PTPRR: variants seen among roughly 807,000 people sequenced by gnomAD.
PTPRR encodes receptor-type tyrosine-protein phosphatase R.
In PTPRR, 38 loss-of-function variants were observed where a neutral mutation model predicts 77.2. The observed-to-expected ratio is 0.49, with a 90% CI of 0.38 to 0.65. The LOEUF (loss-of-function observed/expected upper bound fraction) is 0.65. PTPRR is among the 30% of genes least tolerant of loss of function. PTPRR has a pLI of 0.00. For synonymous variants in PTPRR, 299 were observed against 283.1 expected (o/e 1.06, Z -0.57); for missense variants, 744 against 799.2 (o/e 0.93, Z 0.83).
chr12:70,726,581 A>AT lies in PTPRR; in HGVS notation c.1007+19236dup, dbSNP rs148966922. 4.3e-3 allele frequency among the ~76,000 whole-genome samples: 602 copies of AT among 139,700 alleles called. 2 individuals carry two copies. The highest frequency in any genetic ancestry group is 0.014 in the African/African-American group (527 of 38,104). 91.6% of individuals were successfully genotyped at this position (139,700 alleles called of 152,430 possible). A position where few individuals can be genotyped will look rare whatever the true frequency, so the allele number is the denominator to read the frequency against. ...ATCATCATGGGATAGTCTGCATTTA[A>AT]TTTTTTTTTTTTTTTTTGAGACAGA... On this transcript the variant is annotated intron_variant, in intron 6 of 13. Transcript: ENST00000283228.
In PTPRR at chr12:70,667,541, C is replaced by A. The variant is rs114438347; in HGVS notation, c.1498-4936G>T. ...GACAGTGGTGGCCAGGTTGCCTCTC[C>A]ACCAACATGATGGCCCTAAGTCAGA... On this transcript the variant is annotated intron_variant, in intron 10 of 13. Coordinates refer to ENST00000283228, the MANE Select transcript of PTPRR (RefSeq NM_002849.4). Among the ~76,000 whole-genome samples, 711 of 152,184 alleles carry A rather than the reference C, an allele frequency of 4.7e-3. 10 individuals are homozygous for A. Among genetic ancestry groups the A allele is most frequent in the African/African-American group, 0.016 (674 of 41,524 alleles).
At chr12:70,890,444 C>G (rs776846082) in intron 2 of PTPRR, among the ~76,000 whole-genome samples, 2 of 151,954 alleles carry the variant, frequency 1.3e-5, no homozygotes, top group Non-Finnish European at 2.9e-5. Context: ...ACTTTCATGC[C>G]CTTTTTAAAG....
chr12:70,685,641 G>C (rs764389520), intron 8 of PTPRR, among the ~76,000 whole-genome samples: 3 of 151,986 alleles, frequency 2.0e-5, no homozygotes, highest in Non-Finnish European at 4.4e-5. Flanking sequence ...CAGAGGGAGA[G>C]CCTGTCTCAA....
intron 5 of PTPRR, among the ~76,000 whole-genome samples, chr12:70,749,559 G>T (rs1005520238): frequency 6.6e-6 from 1 of 152,280 alleles, no homozygotes; most frequent in Non-Finnish European, 1.5e-5. Flanking sequence ...AATCATTCCA[G>T]TTAGGAATCT....
chr12:70,819,262 A>C (rs1891963355), intron 2 of PTPRR, among the ~76,000 whole-genome samples: 1 of 152,186 alleles, frequency 6.6e-6, no homozygotes. Flanking sequence ...CTGAGATTGC[A>C]CCACTGCGCT....
intron 2 of PTPRR, among the ~76,000 whole-genome samples, chr12:70,785,686 G>C (rs559033314): frequency 7.9e-5 from 12 of 152,064 alleles, no homozygotes; most frequent in African/African-American, 2.4e-4. Flanking sequence ...ATTTATGCTT[G>C]TAAAAATATT....
At chr12:70,793,094 C>T (rs1215863237) in intron 2 of PTPRR, among the ~76,000 whole-genome samples, 1 of 152,142 alleles carries the variant, frequency 6.6e-6, no homozygotes, top group African/African-American at 2.4e-5. Context: ...CAGTACAGAT[C>T]ATCATATCAA....
intron 2 of PTPRR, among the ~76,000 whole-genome samples, chr12:70,868,082 C>A (rs1263789779): frequency 2.6e-5 from 4 of 152,116 alleles, no homozygotes; most frequent in Non-Finnish European, 4.4e-5. Flanking sequence ...ACCATAAAAA[C>A]CCTAGACGAA....
At chr12:70,868,007 C>A (rs1470474511) in intron 2 of PTPRR, among the ~76,000 whole-genome samples, 2 of 152,100 alleles carry the variant, frequency 1.3e-5, no homozygotes, top group Admixed American at 6.6e-5. Flanking sequence ...AAACTCGATC[C>A]CTTCCTTACA....
intron 2 of PTPRR, among the ~76,000 whole-genome samples, chr12:70,775,804 G>A (rs1891075488): frequency 6.6e-6 from 1 of 151,520 alleles, no homozygotes; most frequent in Admixed American, 6.6e-5. Context: ...TTTTTAACCT[G>A]GAATCTTTAA....
chr12:70,760,798 G>A (rs574862742), intron 4 of PTPRR, among the ~76,000 whole-genome samples: 3 of 152,232 alleles, frequency 2.0e-5, no homozygotes, highest in African/African-American at 4.8e-5. Flanking sequence ...TGAATTACAC[G>A]TATTTAGGAT....
chr12:70,915,395 T>A (rs1044983088), intron 1 of PTPRR, among the ~76,000 whole-genome samples: 8 of 152,200 alleles, frequency 5.3e-5, no homozygotes, highest in African/African-American at 1.9e-4. Context: ...ATGGAATATG[T>A]GAGGTGCTAT....
intron 2 of PTPRR, among the ~76,000 whole-genome samples, chr12:70,849,635 A>G (rs1892540887): frequency 6.6e-6 from 1 of 152,186 alleles, no homozygotes; most frequent in Non-Finnish European, 1.5e-5. Context: ...ATTTCCATTG[A>G]TTTTTCCATG....
chr12:70,769,346 A>G (rs1412474676), intron 2 of PTPRR, among the ~76,000 whole-genome samples: 1 of 151,616 alleles, frequency 6.6e-6, no homozygotes, highest in African/African-American at 2.4e-5. Flanking sequence ...AAAAATCACA[A>G]GCATTCTTAT....
chr12:70,791,222 T>C (rs2137009829), intron 2 of PTPRR, among the ~76,000 whole-genome samples: 1 of 152,324 alleles, frequency 6.6e-6, no homozygotes, highest in South Asian at 2.1e-4. Flanking sequence ...TAATAGCACC[T>C]CCCCATCTTC....
intron 3 of PTPRR, among the ~76,000 whole-genome samples, chr12:70,764,115 G>A (rs959290015): frequency 1.3e-5 from 2 of 151,462 alleles, no homozygotes; most frequent in South Asian, 2.1e-4. Context: ...GCAGTCCTCA[G>A]GGTCAGTTCT....
chr12:70,889,886 C>G (rs547898842), intron 2 of PTPRR, among the ~76,000 whole-genome samples: 31 of 152,124 alleles, frequency 2.0e-4, no homozygotes, highest in Non-Finnish European at 2.8e-4. Flanking sequence ...TGCCGTTTCA[C>G]TGATGTCAAA....
At chr12:70,856,613 C>T (rs960391721) in intron 2 of PTPRR, among the ~76,000 whole-genome samples, 2 of 152,128 alleles carry the variant, frequency 1.3e-5, no homozygotes, top group East Asian at 1.9e-4. Flanking sequence ...AAAATCACTT[C>T]GGAGATAACA....
intron 6 of PTPRR, among the ~76,000 whole-genome samples, chr12:70,711,289 A>C (rs1888819893): frequency 6.6e-6 from 1 of 152,092 alleles, no homozygotes; most frequent in East Asian, 1.9e-4. Flanking sequence ...CTAACACAGG[A>C]ACAGAAAATC....
Sources: gnomAD v4.1 joint callset for allele counts (sites outside exome capture counted in the v4.1 genomes callset) on GRCh38, gnomAD v4.1.1 for gene constraint, MANE v1.5 for transcripts, NCBI Gene and HGNC (gene_info 2026-07-23, HGNC 2026-07-21) for gene names.